The following SOCS5 variants were observed in gnomAD, a reference collection of about 807,000 sequenced individuals.
The protein encoded by SOCS5 is CIS-6.
A neutral mutation model predicts 42.8 loss-of-function variants in SOCS5; 32 were observed. The ratio of observed to expected loss-of-function variants is 0.75; its 90% CI spans 0.56 to 1.01. SOCS5 has a LOEUF of 1.01. Among genes scored for constraint, SOCS5 ranks in the 50% least tolerant of loss-of-function variants. The probability of loss-of-function intolerance (pLI) is 0.00; values close to 1 mark genes in which losing one functional copy is unlikely to be tolerated. For missense variants in SOCS5, 627 were observed against 653.0 expected (o/e 0.96, Z 0.43); for synonymous variants, 283 against 229.6 (o/e 1.23, Z -2.10).
chr2:46,728,422 G>C (rs548375872), intron 1 of SOCS5, among the ~76,000 whole-genome samples: 2 of 152,246 alleles, frequency 1.3e-5, no homozygotes, highest in Admixed American at 6.5e-5. Context: ...TCATTTGAGT[G>C]CTTACTATGT....
intron 1 of SOCS5, among the ~76,000 whole-genome samples, chr2:46,734,778 G>A (rs977745789): frequency 1.3e-5 from 2 of 152,138 alleles, no homozygotes; most frequent in Non-Finnish European, 2.9e-5. Context: ...GAGAAATGAA[G>A]TCTTAGTCAT....
chr2:46,742,605 G>A (rs1185987557), intron 1 of SOCS5, among the ~76,000 whole-genome samples: 1 of 151,842 alleles, frequency 6.6e-6, no homozygotes, highest in Non-Finnish European at 1.5e-5. Context: ...TATTGCTTCA[G>A]CATTTTGCTT....
chr2:46,752,168 CT>C (rs573235689), intron 1 of SOCS5, among the ~76,000 whole-genome samples: 11,473 of 139,992 alleles, frequency 0.082, 505 homozygotes, highest in African/African-American at 0.13. Flanking sequence ...GTGTTTTGTT[CT>C]TTTTTTTTTT....
chr2:46,702,353 C>G (rs1395536091), intron 1 of SOCS5, among the ~76,000 whole-genome samples: 1 of 152,176 alleles, frequency 6.6e-6, no homozygotes, highest in Non-Finnish European at 1.5e-5. Flanking sequence ...TGGTATTGCT[C>G]TCCTTCCTCT....
chr2:46,731,994 C>T (rs1360977729), intron 1 of SOCS5, among the ~76,000 whole-genome samples: 1 of 152,130 alleles, frequency 6.6e-6, no homozygotes, highest in Non-Finnish European at 1.5e-5. Flanking sequence ...AAAGTTAACA[C>T]CAGATGTGGA....
chr2:46,726,518 T>C (rs1289594321), intron 1 of SOCS5, among the ~76,000 whole-genome samples: 1 of 152,160 alleles, frequency 6.6e-6, no homozygotes, highest in Non-Finnish European at 1.5e-5. Flanking sequence ...TCCATTGCTG[T>C]CTTTCACTCT....
chr2:46,707,949 T>C (rs1056855535), intron 1 of SOCS5, among the ~76,000 whole-genome samples: 3 of 152,130 alleles, frequency 2.0e-5, no homozygotes, highest in African/African-American at 7.2e-5. Flanking sequence ...TAACACGAAG[T>C]CTGTTTTATA....
chr2:46,722,485 C>T (rs1027464143), intron 1 of SOCS5, among the ~76,000 whole-genome samples: 1 of 152,088 alleles, frequency 6.6e-6, no homozygotes, highest in Admixed American at 6.6e-5. Context: ...TGAAAATCAG[C>T]CAGGTTGTTG....
intron 1 of SOCS5, among the ~76,000 whole-genome samples, chr2:46,714,461 T>A (rs1672695676): frequency 1.3e-5 from 2 of 152,268 alleles, no homozygotes; most frequent in Admixed American, 1.3e-4. Flanking sequence ...TTCTTTTGAT[T>A]AGTATTTACA....
chr2:46,759,387 C>A lies in SOCS5; in HGVS notation c.857C>A (p.Thr286Lys). The change falls in exon 2 of 2, where the codon ACA becomes AAA. Residue 286 changes from threonine (T) to lysine (K), a missense_variant. This residue lies in a region of SOCS5 where 340 missense variants were observed against 367.6 expected (regional missense o/e 0.92). Coordinates refer to ENST00000394861, the MANE Select transcript of SOCS5 (RefSeq NM_144949.3). Reference protein sequence around the residue: ...VDPPPNAQIHTFEATAQVNPL... With the variant: ...VDPPPNAQIHKFEATAQVNPL... ...CCCCCTCCCAATGCACAAATACATA[C>A]ATTTGAAGCTACTGCACAGGTTAAT... 1 of 1,613,972 alleles carries A rather than the reference C, an allele frequency of 6.2e-7. No homozygotes were observed. Among genetic ancestry groups the A allele is most frequent in the Non-Finnish European group, 8.5e-7 (1 of 1,179,846 alleles).
chr2:46,704,754 A>G (rs992233846), intron 1 of SOCS5, among the ~76,000 whole-genome samples: 3 of 152,210 alleles, frequency 2.0e-5, no homozygotes, highest in Admixed American at 6.5e-5. Context: ...CTTCTGAGCA[A>G]TAAAGGTGAA....
chr2:46,705,829 C>T (rs969573362), intron 1 of SOCS5, among the ~76,000 whole-genome samples: 1 of 152,180 alleles, frequency 6.6e-6, no homozygotes, highest in African/African-American at 2.4e-5. Context: ...CAGCTGACTC[C>T]ATGTGCTGTT....
intron 1 of SOCS5, among the ~76,000 whole-genome samples, chr2:46,735,755 A>G (rs1480802987): frequency 6.6e-6 from 1 of 152,136 alleles, no homozygotes; most frequent in South Asian, 2.1e-4. Flanking sequence ...TTAAATACCC[A>G]TGTGTACAAA....
intron 1 of SOCS5, among the ~76,000 whole-genome samples, chr2:46,752,547 GT>G (rs1201898383): frequency 6.6e-6 from 1 of 152,034 alleles, no homozygotes; most frequent in Non-Finnish European, 1.5e-5. Context: ...GGGTTTGCTT[GT>G]TTAAAAGGTA....
At chr2:46,731,589 C>T (rs1673126449) in intron 1 of SOCS5, among the ~76,000 whole-genome samples, 1 of 152,146 alleles carries the variant, frequency 6.6e-6, no homozygotes, top group African/African-American at 2.4e-5. Context: ...GTACAAAGGA[C>T]TGTGGATGTG....
chr2:46,702,286 C>G (rs1448612859), intron 1 of SOCS5, among the ~76,000 whole-genome samples: 1 of 152,090 alleles, frequency 6.6e-6, no homozygotes, highest in East Asian at 1.9e-4. Flanking sequence ...GAAAAATGCA[C>G]GATCAAATCA....
chr2:46,727,770 C>CT (rs1332635052), intron 1 of SOCS5, among the ~76,000 whole-genome samples: 1 of 152,144 alleles, frequency 6.6e-6, no homozygotes, highest in East Asian at 1.9e-4. Flanking sequence ...TTATAATCAA[C>CT]TTTATGGATT....
chr2:46,736,841 G>T (rs1673263727), intron 1 of SOCS5, among the ~76,000 whole-genome samples: 1 of 136,722 alleles, frequency 7.3e-6, no homozygotes, highest in Admixed American at 7.4e-5. Flanking sequence ...TTGGATTTCA[G>T]ATTTTTTTTT....
chr2:46,740,642 G>C (rs1210047248), intron 1 of SOCS5, among the ~76,000 whole-genome samples: 1 of 152,168 alleles, frequency 6.6e-6, no homozygotes, highest in Non-Finnish European at 1.5e-5. Context: ...GATACCAGCT[G>C]GTGGCTGGAG....
Sources: gnomAD v4.1 joint callset for allele counts (sites outside exome capture counted in the v4.1 genomes callset) on GRCh38, gnomAD v4.1.1 for gene constraint, gnomAD v4.1.1 regional missense constraint, MANE v1.5 for transcripts, NCBI Gene and HGNC (gene_info 2026-07-23, HGNC 2026-07-21) for gene names.